The following CNIH3 variants were observed in gnomAD, a reference collection of about 807,000 sequenced individuals.
CNIH3 encodes the protein protein cornichon homolog 3.
Under a neutral mutation model 24.1 loss-of-function variants are expected in CNIH3, and 14 were observed. That is an observed-to-expected ratio of 0.58 (90% CI 0.38 to 0.91). The LOEUF (loss-of-function observed/expected upper bound fraction) is 0.91. Ranked by LOEUF, CNIH3 falls within the 40% of genes least tolerant of loss-of-function variation. The pLI, the probability that CNIH3 is intolerant of heterozygous loss-of-function variation, is 0.00. For synonymous variants in CNIH3, 68 were observed against 73.8 expected (o/e 0.92, Z 0.40); for missense variants, 178 against 196.8 (o/e 0.90, Z 0.57).
At chr1:224,680,887 C>T in intron 1 of CNIH3, 71 bp from the exon 2 acceptor site, 1 of 1,185,848 alleles carries the variant, frequency 8.4e-7, no homozygotes, top group Non-Finnish European at 1.3e-6. Context: ...GGAAGCAAAT[C>T]CACAGAAGCT....
At position 224,458,890 on chromosome 1, in the gene CNIH3, G is replaced by C. The variant is rs1675790385; in HGVS notation, n.203+24028G>C. Among the ~76,000 whole-genome samples the C allele has an allele frequency of 6.6e-6, 1 of 152,186 alleles. No homozygotes were observed. The highest frequency in any genetic ancestry group is 1.5e-5 in the Non-Finnish European group (1 of 68,042). ...TGCACTTCTAATACAGTCCCGGAAA[G>C]ACGGGGCCAGAACTTAGGAGGGGAG... is the stretch of plus-strand genomic sequence containing the variant. On this transcript the variant is annotated intron_variant and non_coding_transcript_variant, in intron 1 of 5. Transcript: ENST00000471578. This position sits in a 1 kb window ranked among gnomAD's most constrained non-coding sequence, Gnocchi z 4.3.
rs1164803028 is a variant in CNIH3, at chr1:224,703,022, A to G, written c.198+18179A>G. ...CATTGAATTGGAAACTCAGGAGGTG[A>G]GGTTAGGGCCTCAGCATTTTATAAA... On this transcript the variant is annotated intron_variant, in intron 3 of 5. Transcript: ENST00000272133. This position sits in a 1 kb window ranked among gnomAD's most constrained non-coding sequence, Gnocchi z 4.2. Among the ~76,000 whole-genome samples, 1 of 152,132 alleles carries G rather than the reference A, an allele frequency of 6.6e-6. No homozygotes were observed. The highest frequency in any genetic ancestry group is 2.4e-5 in the African/African-American group (1 of 41,418).
At chr1:224,548,108 C>A (rs770579394) in intron 3 of CNIH3, among the ~76,000 whole-genome samples, 7 of 151,226 alleles carry the variant, frequency 4.6e-5, no homozygotes, top group East Asian at 1.9e-4. Context: ...TTATTTATAA[C>A]GTATAAGGGA....
intron 3 of CNIH3, among the ~76,000 whole-genome samples, chr1:224,701,111 C>T (rs541887401): frequency 1.3e-5 from 2 of 151,810 alleles, no homozygotes; most frequent in African/African-American, 2.4e-5. Context: ...GCTGGCTGCC[C>T]GGAAGCCATG....
chr1:224,730,660 C>A, intron 4 of CNIH3, 86 bp downstream of exon 4: 1 of 741,448 alleles, frequency 1.3e-6, no homozygotes, highest in Non-Finnish European at 2.3e-6. Flanking sequence ...AAATAGACAG[C>A]TTCTATTGCC....
intron 1 of CNIH3, among the ~76,000 whole-genome samples, chr1:224,483,429 T>C (rs557824305): frequency 6.6e-6 from 1 of 151,874 alleles, no homozygotes; most frequent in East Asian, 1.9e-4. Flanking sequence ...TGCTCTGTTG[T>C]CCACGCTGGA....
intron 3 of CNIH3, among the ~76,000 whole-genome samples, chr1:224,725,053 T>C (rs1240693465): frequency 2.0e-5 from 3 of 151,400 alleles, no homozygotes; most frequent in African/African-American, 4.9e-5. Context: ...CTACTAAAAA[T>C]ACAAAAATTA....
chr1:224,737,216 G>A (rs977161225), intron 5 of CNIH3, among the ~76,000 whole-genome samples: 2 of 151,892 alleles, frequency 1.3e-5, no homozygotes, highest in Non-Finnish European at 2.9e-5. Flanking sequence ...GCTCCGCTGC[G>A]GGGGTGGGAG....
intron 1 of CNIH3, among the ~76,000 whole-genome samples, chr1:224,452,337 A>G (rs1384868467): frequency 6.6e-6 from 1 of 151,630 alleles, no homozygotes; most frequent in Non-Finnish European, 1.5e-5. Flanking sequence ...TTTAGTAGGG[A>G]CAGGGTTTCA....
chr1:224,667,356 C>T (rs530247532), intron 1 of CNIH3, among the ~76,000 whole-genome samples: 1 of 152,234 alleles, frequency 6.6e-6, no homozygotes, highest in East Asian at 1.9e-4. Flanking sequence ...GACACCATAG[C>T]CACAGTTAAT....
intron 3 of CNIH3, among the ~76,000 whole-genome samples, chr1:224,702,299 A>G (rs1413713663): frequency 6.6e-6 from 1 of 152,162 alleles, no homozygotes; most frequent in Non-Finnish European, 1.5e-5. Context: ...GTATGTTTTC[A>G]GTTCTGTTTA....
chr1:224,656,494 C>T (rs1685102282), intron 1 of CNIH3, among the ~76,000 whole-genome samples: 1 of 152,102 alleles, frequency 6.6e-6, no homozygotes, highest in Non-Finnish European at 1.5e-5. Flanking sequence ...AGTTCATGTT[C>T]CCTTTATGAT....
intron 1 of CNIH3, among the ~76,000 whole-genome samples, chr1:224,620,099 T>C (rs1456380837): frequency 1.3e-5 from 2 of 152,252 alleles, no homozygotes; most frequent in Non-Finnish European, 2.9e-5. Flanking sequence ...TTGTTTTCAG[T>C]TGAAAATATT....
rs906319366 is a variant in CNIH3, at chr1:224,718,646, G to A, written c.199-11816G>A. Among the ~76,000 whole-genome samples the A allele has an allele frequency of 7.9e-5, 12 of 152,226 alleles. No individual in the cohort carries two copies. The East Asian group carries it at 1.4e-3, about 17-fold the overall frequency. On this transcript the variant is annotated intron_variant, in intron 3 of 5. Transcript: ENST00000272133. ...CAGTTAGGAGGAGACGGGTGGCTCTGGTGGGAGGAGGCAGGGACGGGGGAT... is the reference window on the plus strand; with the variant it reads ...CAGTTAGGAGGAGACGGGTGGCTCTAGTGGGAGGAGGCAGGGACGGGGGAT...
At chr1:224,489,625 G>T (rs1006861939) in intron 1 of CNIH3, among the ~76,000 whole-genome samples, 1 of 152,142 alleles carries the variant, frequency 6.6e-6, no homozygotes, top group African/African-American at 2.4e-5. Context: ...GCTCACTGTT[G>T]TTATCTGTGA....
chr1:224,562,255 C>T (rs1680403962), intron 3 of CNIH3, among the ~76,000 whole-genome samples: 1 of 152,164 alleles, frequency 6.6e-6, no homozygotes, highest in Admixed American at 6.5e-5. Context: ...CTATTTGACT[C>T]TCCTTTCCTG....
At chr1:224,478,858 A>T (rs1474349322) in intron 1 of CNIH3, among the ~76,000 whole-genome samples, 1 of 152,156 alleles carries the variant, frequency 6.6e-6, no homozygotes, top group African/African-American at 2.4e-5. Flanking sequence ...AGCAAGTCAC[A>T]TCTTATGTGG....
At chr1:224,600,221 C>T (rs1384051247) in intron 3 of CNIH3, among the ~76,000 whole-genome samples, 10 of 146,424 alleles carry the variant, frequency 6.8e-5, no homozygotes, top group African/African-American at 2.5e-4. Context: ...CGTAGTTTCA[C>T]TCTTGTTGCC....
intron 3 of CNIH3, among the ~76,000 whole-genome samples, chr1:224,686,361 A>G (rs1489638646): frequency 6.6e-6 from 1 of 152,110 alleles, no homozygotes; most frequent in East Asian, 1.9e-4. Context: ...GCTGCATAGT[A>G]TTCCATGGTG....
Sources: allele counts gnomAD v4.1 joint callset (sites outside exome capture counted in the v4.1 genomes callset), GRCh38; gene constraint gnomAD v4.1.1; non-coding constraint Gnocchi (gnomAD v3.1); transcripts MANE v1.5; gene names NCBI Gene and HGNC (gene_info 2026-07-23, HGNC 2026-07-21).